Variants in ALK observed in about 807,000 individuals in gnomAD.
ALK encodes ALK receptor tyrosine kinase.
A neutral mutation model predicts 163.1 loss-of-function variants in ALK; 74 were observed. That is an observed-to-expected ratio of 0.45 (90% CI 0.38 to 0.55). ALK has a LOEUF of 0.55. Among genes scored for constraint, ALK ranks in the 20% least tolerant of loss-of-function variants. The pLI is 0.00. For missense variants in ALK, 2,063 were observed against 2,105.3 expected (o/e 0.98, Z 0.39); for synonymous variants, 960 against 843.2 (o/e 1.14, Z -2.40).
In ALK at chr2:29,227,789, CAG is replaced by C; in HGVS notation, c.2816-119_2816-118del. On this transcript the variant is annotated intron_variant, in intron 16 of 28. Transcript: ENST00000389048. The surrounding 1 kb of genome is among the most constrained non-coding windows in gnomAD (Gnocchi z 4.4). The stretch of plus-strand genomic sequence containing the variant: ...AAAGTTAGGGGGTCACTGGGGACCT[CAG>C]GGGCAGGGATGCGGGGAGGGAAGGG... The C allele has an allele frequency of 1.3e-6, 1 of 778,668 alleles. No homozygotes were observed. The highest frequency in any genetic ancestry group is 2.2e-6 in the Non-Finnish European group (1 of 444,930). The allele number at this position is 778,668 out of a possible 1,614,324, so 48.2% of individuals were successfully genotyped here. A position where few individuals can be genotyped will look rare whatever the true frequency, so the allele number is the denominator to read the frequency against.
At chr2:29,852,157 T>C (rs1666012983) in intron 1 of ALK, among the ~76,000 whole-genome samples, 1 of 152,316 alleles carries the variant, frequency 6.6e-6, no homozygotes, top group East Asian at 1.9e-4. Context: ...CAATGACCTG[T>C]GGCACAGAGT....
chr2:29,212,931 C>T (rs549721421), intron 24 of ALK, among the ~76,000 whole-genome samples: 2 of 152,306 alleles, frequency 1.3e-5, no homozygotes, highest in East Asian at 1.9e-4. Flanking sequence ...TCTCGAACTC[C>T]CAACCTCATG....
intron 1 of ALK, among the ~76,000 whole-genome samples, chr2:29,787,271 T>C (rs1664059541): frequency 6.6e-6 from 1 of 152,348 alleles, no homozygotes; most frequent in East Asian, 1.9e-4. Context: ...CTAGAATACA[T>C]GTACTTACTA....
At chr2:29,471,671 G>A (rs551992542) in intron 4 of ALK, among the ~76,000 whole-genome samples, 28 of 152,088 alleles carry the variant, frequency 1.8e-4, no homozygotes, top group East Asian at 3.9e-4. Context: ...CAATATTTCC[G>A]TTCCCACATG....
intron 1 of ALK, among the ~76,000 whole-genome samples, chr2:29,812,861 CCCT>C (rs768769699): frequency 1.1e-4 from 17 of 152,264 alleles, no homozygotes; most frequent in Non-Finnish European, 1.9e-4. Context: ...GGCTGTACAT[CCCT>C]CCAACACACA....
intron 2 of ALK, among the ~76,000 whole-genome samples, chr2:29,710,442 C>A (rs1429299288): frequency 6.6e-6 from 1 of 151,958 alleles, no homozygotes; most frequent in Non-Finnish European, 1.5e-5. Context: ...ATGAAACATC[C>A]TGGATCTCCT....
chr2:29,641,610 T>C (rs1676704712), intron 3 of ALK, among the ~76,000 whole-genome samples: 1 of 152,008 alleles, frequency 6.6e-6, no homozygotes, highest in African/African-American at 2.4e-5. Context: ...TTAATAGCCA[T>C]TCCTTACCAC....
chr2:29,888,260 TTAAA>T (rs1206229774), intron 1 of ALK, among the ~76,000 whole-genome samples: 2 of 146,832 alleles, frequency 1.4e-5, no homozygotes, highest in Non-Finnish European at 1.5e-5. Flanking sequence ...TTTTTTTTTT[TTAAA>T]AAAAGGGAAA....
At chr2:29,410,498 T>C (rs1325031828) in intron 4 of ALK, among the ~76,000 whole-genome samples, 1 of 152,214 alleles carries the variant, frequency 6.6e-6, no homozygotes, top group Non-Finnish European at 1.5e-5. Flanking sequence ...TGGGCATATG[T>C]CATCAGGACT....
chr2:29,786,953 G>A (rs917227702), intron 1 of ALK, among the ~76,000 whole-genome samples: 3 of 152,070 alleles, frequency 2.0e-5, no homozygotes, highest in Non-Finnish European at 4.4e-5. Context: ...CCACCACCAC[G>A]CCTGGCTAAT....
intron 12 of ALK, among the ~76,000 whole-genome samples, chr2:29,248,526 T>C (rs1185890836): frequency 6.6e-6 from 1 of 152,222 alleles, no homozygotes; most frequent in Non-Finnish European, 1.5e-5. Context: ...CATTTTGATA[T>C]GGTCCTATCT....
At chr2:29,748,834 C>T (rs558996211) in intron 1 of ALK, among the ~76,000 whole-genome samples, 2 of 152,232 alleles carry the variant, frequency 1.3e-5, no homozygotes, top group South Asian at 2.1e-4. Context: ...CAACCTCTGC[C>T]TCCTGGGTTC....
intron 4 of ALK, among the ~76,000 whole-genome samples, chr2:29,458,089 A>G (rs1671002412): frequency 6.6e-6 from 1 of 152,166 alleles, no homozygotes; most frequent in Admixed American, 6.5e-5. Flanking sequence ...TTTTAAACCT[A>G]TAATCGTGTT....
chr2:29,500,972 T>A (rs1672160212), intron 4 of ALK, among the ~76,000 whole-genome samples: 1 of 152,208 alleles, frequency 6.6e-6, no homozygotes, highest in Admixed American at 6.5e-5. Flanking sequence ...TATCAGCACT[T>A]GGTCTTGCTT....
chr2:29,867,699 G>A (rs192356962), intron 1 of ALK, among the ~76,000 whole-genome samples: 2 of 152,322 alleles, frequency 1.3e-5, no homozygotes, highest in East Asian at 1.9e-4. Context: ...GAGATTCATG[G>A]ATTCCAAGCT....
chr2:29,908,777 C>A (rs900887851), intron 1 of ALK, among the ~76,000 whole-genome samples: 1 of 152,178 alleles, frequency 6.6e-6, no homozygotes, highest in East Asian at 1.9e-4. Flanking sequence ...CCTCTCCAAC[C>A]CTCTATCCAA....
chr2:29,325,110 C>A (rs911878054), intron 6 of ALK, among the ~76,000 whole-genome samples: 20 of 152,116 alleles, frequency 1.3e-4, no homozygotes, highest in African/African-American at 4.6e-4. Flanking sequence ...TGATTAAATG[C>A]AACCTACTTT....
chr2:29,775,530 C>T lies in ALK; in HGVS notation c.668-57833G>A, dbSNP rs1458356612. On this transcript the variant is annotated intron_variant, in intron 1 of 28. Coordinates refer to ENST00000389048, the MANE Select transcript of ALK (RefSeq NM_004304.5). ...CATGTAGGATCGGAGTGGACTCCCT[C>T]CCCCTACAAAAAAAAAAAAACAAAA... is the stretch of plus-strand genomic sequence containing the variant. Among the ~76,000 whole-genome samples the T allele has an allele frequency of 4.0e-5, 6 of 149,414 alleles. No homozygotes were observed. In the East Asian group the frequency reaches 1.2e-3, roughly 29 times the overall value.
chr2:29,475,337 T>G (rs1195767069), intron 4 of ALK, among the ~76,000 whole-genome samples: 1 of 151,982 alleles, frequency 6.6e-6, no homozygotes, highest in Admixed American at 6.6e-5. Flanking sequence ...CCACATCCCC[T>G]CAGGTAACAC....
Sources: allele counts gnomAD v4.1 joint callset (sites outside exome capture counted in the v4.1 genomes callset), GRCh38; gene constraint gnomAD v4.1.1; non-coding constraint Gnocchi (gnomAD v3.1); transcripts MANE v1.5; gene names NCBI Gene and HGNC (gene_info 2026-07-23, HGNC 2026-07-21).